Variants in TMPRSS11D observed in about 807,000 individuals in gnomAD.
TMPRSS11D encodes transmembrane serine protease 11D, also known as transmembrane protease serine 11D.
TMPRSS11D carries 32 observed loss-of-function variants against 44.4 expected under a neutral mutation model. The observed-to-expected ratio is 0.72, with a 90% confidence interval of 0.54 to 0.97. The LOEUF (loss-of-function observed/expected upper bound fraction) is 0.97. Among genes scored for constraint, TMPRSS11D ranks in the 50% least tolerant of loss-of-function variants. TMPRSS11D has a pLI of 0.00. For synonymous variants in TMPRSS11D, 179 were observed against 177.9 expected (o/e 1.01, Z -0.05); for missense variants, 446 against 502.6 (o/e 0.89, Z 1.08).
chr4:67,873,215 C>A (rs775072578), intron 1 of TMPRSS11D, among the ~76,000 whole-genome samples: 1 of 152,182 alleles, frequency 6.6e-6, no homozygotes, highest in Non-Finnish European at 1.5e-5. Flanking sequence ...CTTACCAAAA[C>A]ACAGAAACAT....
chr4:67,859,785 T>C lies in TMPRSS11D; in HGVS notation c.9-107A>G, dbSNP rs976885052. ...CTTTCCCGGTCTCTTATCTGGGACA[T>C]GGCTCTAGCCATAGAAACATATTCG... On this transcript the variant is annotated intron_variant, in intron 1 of 9. Transcript: ENST00000283916. 5 of 1,436,152 alleles carry C rather than the reference T, an allele frequency of 3.5e-6. No individual in the cohort carries two copies. The East Asian group carries it at 1.2e-4, about 34-fold the overall frequency. 89.0% of individuals were successfully genotyped at this position (1,436,152 alleles called of 1,614,324 possible).
chr4:67,854,051 G>A lies in TMPRSS11D; in HGVS notation c.249+17C>T, dbSNP rs747773197. 2.2e-6 allele frequency: 3 copies of A among 1,363,090 alleles called. No homozygotes were observed. The highest frequency in any genetic ancestry group is 3.0e-6 in the Non-Finnish European group (3 of 988,100). The allele number at this position is 1,363,090 out of a possible 1,614,324, so 84.4% of individuals were successfully genotyped here. A position where few individuals can be genotyped will look rare whatever the true frequency, so the allele number is the denominator to read the frequency against. ...ATTTTATAATGGAATAAAGAGCAAA[G>A]ACAAATATTAACTTACCAGAGATTC... On this transcript the variant is annotated intron_variant, in intron 3 of 9. Transcript: ENST00000283916.
At chr4:67,824,360 A>C (rs1056346928) in intron 9 of TMPRSS11D, among the ~76,000 whole-genome samples, 3 of 152,068 alleles carry the variant, frequency 2.0e-5, no homozygotes, top group Non-Finnish European at 4.4e-5. Context: ...TTTATTTTTA[A>C]GTCTTAATTA....
chr4:67,852,650 T>C (rs1164233024), intron 3 of TMPRSS11D, among the ~76,000 whole-genome samples: 1 of 152,170 alleles, frequency 6.6e-6, no homozygotes, highest in African/African-American at 2.4e-5. Flanking sequence ...GATATATCAT[T>C]TAAATGTTTA....
chr4:67,877,221 C>G (rs1437394979), intron 1 of TMPRSS11D, among the ~76,000 whole-genome samples: 1 of 152,082 alleles, frequency 6.6e-6, no homozygotes, highest in African/African-American at 2.4e-5. Flanking sequence ...TGGTGTTGCT[C>G]CATGCTCTGT....
intron 4 of TMPRSS11D, among the ~76,000 whole-genome samples, chr4:67,839,455 T>C (rs1718178651): frequency 6.6e-6 from 1 of 151,932 alleles, no homozygotes; most frequent in Non-Finnish European, 1.5e-5. Context: ...GTAAGGAAAA[T>C]CCTGGAAGAC....
Position 67,855,252 on chromosome 4 carries a change from C to CA in TMPRSS11D, c.131-1067dup, listed in dbSNP as rs34448142. On this transcript the variant is annotated intron_variant, in intron 2 of 9. Transcript: ENST00000283916. ...CCTGGGTGACAGAGCAAGACTGTCTCAAAAAAAAAAAAAAAAAAAATAGGC... is the reference window on the plus strand; with the variant it reads ...CCTGGGTGACAGAGCAAGACTGTCTCAAAAAAAAAAAAAAAAAAAAATAGGC... Among the ~76,000 whole-genome samples, 914 of 125,732 alleles carry CA rather than the reference C, an allele frequency of 7.3e-3. 13 individuals carry two copies. The highest frequency in any genetic ancestry group is 0.027 in the African/African-American group (858 of 32,312). 82.5% of individuals were successfully genotyped at this position (125,732 alleles called of 152,430 possible).
At chr4:67,823,825 T>G (rs572593917) in intron 9 of TMPRSS11D, among the ~76,000 whole-genome samples, 17 of 143,210 alleles carry the variant, frequency 1.2e-4, no homozygotes, top group Non-Finnish European at 2.4e-4. Flanking sequence ...TTTTGTAGTG[T>G]TTTTTTTTCT....
At chr4:67,877,538 C>CT (rs1200646426) in intron 1 of TMPRSS11D, among the ~76,000 whole-genome samples, 1 of 152,182 alleles carries the variant, frequency 6.6e-6, no homozygotes, top group Non-Finnish European at 1.5e-5. Context: ...TCACATATCT[C>CT]TATTCAGTGC....
At chr4:67,834,800 T>C (rs1718035262) in intron 6 of TMPRSS11D, among the ~76,000 whole-genome samples, 2 of 152,148 alleles carry the variant, frequency 1.3e-5, no homozygotes, top group African/African-American at 4.8e-5. Flanking sequence ...AGTAAAAGGT[T>C]CTCAAAGCTG....
chr4:67,853,897 C>A (rs78978916), intron 3 of TMPRSS11D, among the ~76,000 whole-genome samples, 171 bp downstream of exon 3: 1 of 152,084 alleles, frequency 6.6e-6, no homozygotes, highest in Non-Finnish European at 1.5e-5. Flanking sequence ...GAATAAGAAC[C>A]AGTATATGAG....
intron 1 of TMPRSS11D, among the ~76,000 whole-genome samples, chr4:67,874,672 T>TA (rs1223026265): frequency 6.6e-6 from 1 of 152,148 alleles, no homozygotes; most frequent in East Asian, 1.9e-4. Context: ...GTTCAATAAA[T>TA]AAAAATCTAT....
At chr4:67,854,525 A>G (rs889699687) in intron 2 of TMPRSS11D, among the ~76,000 whole-genome samples, 13 of 152,156 alleles carry the variant, frequency 8.5e-5, no homozygotes, top group Non-Finnish European at 1.8e-4. Flanking sequence ...TGTTTGTAAT[A>G]TACTATTATT....
At chr4:67,849,952 C>A (rs1485735494) in intron 3 of TMPRSS11D, among the ~76,000 whole-genome samples, 1 of 152,074 alleles carries the variant, frequency 6.6e-6, no homozygotes, top group Non-Finnish European at 1.5e-5. Flanking sequence ...ATTTTTATGG[C>A]ATTGTATTAG....
intron 1 of TMPRSS11D, among the ~76,000 whole-genome samples, chr4:67,865,330 G>A (rs1168684936): frequency 1.3e-5 from 2 of 151,412 alleles, no homozygotes; most frequent in Non-Finnish European, 3.0e-5. Flanking sequence ...TGAAAATGGA[G>A]ACAAAACATA....
At chr4:67,829,465 A>G (rs1717891618) in intron 7 of TMPRSS11D, among the ~76,000 whole-genome samples, 1 of 150,968 alleles carries the variant, frequency 6.6e-6, no homozygotes, top group Non-Finnish European at 1.5e-5. Flanking sequence ...AAAAAAGGAC[A>G]TTACCTTTAT....
At chr4:67,869,327 C>T (rs1718997304) in intron 1 of TMPRSS11D, among the ~76,000 whole-genome samples, 1 of 151,802 alleles carries the variant, frequency 6.6e-6, no homozygotes, top group Non-Finnish European at 1.5e-5. Context: ...TATTTGTAGA[C>T]ACACATGAAT....
At chr4:67,874,165 A>G (rs1441445383) in intron 1 of TMPRSS11D, among the ~76,000 whole-genome samples, 1 of 152,148 alleles carries the variant, frequency 6.6e-6, no homozygotes, top group Admixed American at 6.5e-5. Flanking sequence ...AATATGCTGC[A>G]TAGTCTAGGT....
intron 1 of TMPRSS11D, among the ~76,000 whole-genome samples, chr4:67,874,927 C>A (rs1280465238): frequency 6.6e-6 from 1 of 152,120 alleles, no homozygotes; most frequent in Non-Finnish European, 1.5e-5. Context: ...AAAAAGGTGA[C>A]TTTTAGTGAA....
Sources: gnomAD v4.1 joint callset for allele counts (sites outside exome capture counted in the v4.1 genomes callset) on GRCh38, gnomAD v4.1.1 for gene constraint, MANE v1.5 for transcripts, NCBI Gene and HGNC (gene_info 2026-07-23, HGNC 2026-07-21) for gene names.